Variants in FSTL5 observed in about 807,000 individuals in gnomAD.
The protein encoded by FSTL5 is follistatin like 5, also known as follistatin-related protein 5.
In FSTL5, 62 loss-of-function variants were observed where a neutral mutation model predicts 89.1. The ratio of observed to expected loss-of-function variants is 0.70; its 90% CI spans 0.57 to 0.86. FSTL5 has a LOEUF of 0.86. Ranked by LOEUF, FSTL5 falls within the 40% of genes least tolerant of loss-of-function variation. The probability of loss-of-function intolerance (pLI) is 0.00; values close to 1 mark genes in which losing one functional copy is unlikely to be tolerated. For synonymous variants in FSTL5, 383 were observed against 346.2 expected, an observed-to-expected ratio of 1.11 and a Z score of -1.18; for missense variants, 1,057 against 1,001.6, an observed-to-expected ratio of 1.06 and a Z score of -0.75.
At chr4:161,812,538 G>C (rs2126840817) in intron 4 of FSTL5, among the ~76,000 whole-genome samples, 1 of 110,090 alleles carries the variant, frequency 9.1e-6, no homozygotes, top group Middle Eastern at 5.0e-3. Context: ...ACACACAAAT[G>C]AAACAAACAA....
chr4:161,542,442 T>C, intron 9 of FSTL5, 90 bp downstream of exon 9: 1 of 857,666 alleles, frequency 1.2e-6, no homozygotes, highest in Non-Finnish European at 1.6e-6. Context: ...CCAACACTCA[T>C]TTTTCTTTTA....
intron 7 of FSTL5, among the ~76,000 whole-genome samples, chr4:161,589,006 T>G (rs75467864): frequency 0.046 from 6,876 of 150,480 alleles, 521 homozygotes; most frequent in African/African-American, 0.16. Context: ...TGTTTTTTTT[T>G]TTTTTTTTTG....
intron 2 of FSTL5, among the ~76,000 whole-genome samples, chr4:162,102,391 A>T (rs558129830): frequency 6.6e-6 from 1 of 151,422 alleles, no homozygotes; most frequent in East Asian, 1.9e-4. Flanking sequence ...AAATAAGACA[A>T]AGTAGGCAAA....
chr4:161,619,649 A>T (rs1347162906), intron 7 of FSTL5, among the ~76,000 whole-genome samples: 1 of 152,196 alleles, frequency 6.6e-6, no homozygotes. Flanking sequence ...ATACCATCTC[A>T]CACCAGTTAG....
rs1437279714 is a variant in FSTL5 at position 161,858,617 on chromosome 4, T to C, written c.409+61787A>G. Among the ~76,000 whole-genome samples the C allele has an allele frequency of 2.6e-5, 4 of 152,224 alleles. No homozygotes were observed. In the East Asian group the frequency reaches 7.7e-4, roughly 29 times the overall value. On this transcript the variant is annotated intron_variant, in intron 4 of 15. Transcript: ENST00000306100. ...ATTTTAAACTTCTCCACCTTTGAAA[T>C]GGTAATTCTAATTCTTTTTCTCAGA...
chr4:162,062,193 T>C (rs1738739307), intron 2 of FSTL5, among the ~76,000 whole-genome samples: 1 of 151,902 alleles, frequency 6.6e-6, no homozygotes, highest in Non-Finnish European at 1.5e-5. Flanking sequence ...TGATGTTTTA[T>C]TATAGATTAA....
rs539017864 is a variant in FSTL5, at chr4:161,848,581, A to AT, written c.409+71822dup. Among the ~76,000 whole-genome samples, 9 of 152,242 alleles carry AT rather than the reference A, an allele frequency of 5.9e-5. 1 individual carries two copies. Among genetic ancestry groups the AT allele is most frequent in the Admixed American group, 2.0e-4 (3 of 15,286 alleles). On this transcript the variant is annotated intron_variant, in intron 4 of 15. Transcript: ENST00000306100. Reference sequence around the variant, plus strand: ...ATATTTGCATATTATATGTAGCATTATTTTTTCATGGATTAATCAGGAAAG... The same window carrying AT: ...ATATTTGCATATTATATGTAGCATTATTTTTTTCATGGATTAATCAGGAAAG...
At chr4:161,929,525 A>G (rs1339325723) in intron 3 of FSTL5, among the ~76,000 whole-genome samples, 1 of 151,470 alleles carries the variant, frequency 6.6e-6, no homozygotes, top group East Asian at 2.0e-4. Context: ...CAATTGTGTG[A>G]TATTTATTTT....
At chr4:161,607,407 C>T (rs768931179) in intron 7 of FSTL5, among the ~76,000 whole-genome samples, 16 of 152,074 alleles carry the variant, frequency 1.1e-4, no homozygotes, top group Non-Finnish European at 1.8e-4. Context: ...CAACACATGA[C>T]AGCTGAAATA....
intron 6 of FSTL5, among the ~76,000 whole-genome samples, chr4:161,744,433 T>C (rs148270531): frequency 6.2e-4 from 95 of 152,280 alleles, no homozygotes; most frequent in Non-Finnish European, 1.0e-3. Flanking sequence ...TTAGCACCAA[T>C]AGTGGTATAC....
chr4:161,987,591 AAAAT>A (rs1472546473), intron 3 of FSTL5, among the ~76,000 whole-genome samples: 7 of 147,612 alleles, frequency 4.7e-5, no homozygotes, highest in Admixed American at 1.4e-4. Flanking sequence ...AATATATAAT[AAAAT>A]ATATAATGAA....
At chr4:161,659,380 T>C (rs1736631282) in intron 6 of FSTL5, among the ~76,000 whole-genome samples, 1 of 152,182 alleles carries the variant, frequency 6.6e-6, no homozygotes, top group South Asian at 2.1e-4. Context: ...TCAAATGGGC[T>C]TTTCCTGAAA....
intron 3 of FSTL5, among the ~76,000 whole-genome samples, chr4:161,964,618 G>A (rs983805206): frequency 6.6e-5 from 10 of 151,856 alleles, no homozygotes; most frequent in African/African-American, 2.4e-4. Flanking sequence ...GTTACCATAG[G>A]AAATCAACTA....
rs540684483 is a variant in FSTL5, at chr4:161,393,533, G to C, written c.1842-7084C>G. Among the ~76,000 whole-genome samples the C allele has an allele frequency of 4.6e-5, 7 of 152,190 alleles. No individual in the cohort carries two copies. In the East Asian group the frequency reaches 1.4e-3, roughly 30 times the overall value. On this transcript the variant is annotated intron_variant, in intron 15 of 15. Coordinates refer to ENST00000306100, the MANE Select transcript of FSTL5 (RefSeq NM_020116.5). ...TGGATGTAGCTACATCCCGGCTTCA[G>C]CTAGTAAATTACATTTTTGTTATGT... is the stretch of plus-strand genomic sequence containing the variant.
intron 6 of FSTL5, among the ~76,000 whole-genome samples, chr4:161,696,311 G>A (rs1738163663): frequency 6.6e-6 from 1 of 152,024 alleles, no homozygotes; most frequent in Non-Finnish European, 1.5e-5. Context: ...CTGTTCCATT[G>A]GCCTTTATGA....
intron 3 of FSTL5, among the ~76,000 whole-genome samples, chr4:161,943,380 A>T (rs1734643814): frequency 6.6e-6 from 1 of 151,600 alleles, no homozygotes; most frequent in South Asian, 2.1e-4. Context: ...TGTAGTTTTA[A>T]CATAATATGA....
intron 3 of FSTL5, among the ~76,000 whole-genome samples, chr4:161,971,099 A>G (rs929813866): frequency 4.6e-5 from 7 of 152,136 alleles, no homozygotes; most frequent in African/African-American, 1.7e-4. Context: ...CCATATCATA[A>G]TAGCCATAGT....
intron 6 of FSTL5, among the ~76,000 whole-genome samples, chr4:161,751,166 T>C (rs976708744): frequency 3.9e-5 from 6 of 151,926 alleles, no homozygotes; most frequent in Middle Eastern, 3.4e-3. Context: ...ATCTTACAAA[T>C]GGGACATTAA....
intron 13 of FSTL5, among the ~76,000 whole-genome samples, chr4:161,469,637 T>C (rs530998458): frequency 0.025 from 3,026 of 119,590 alleles, 116 homozygotes; most frequent in African/African-American, 0.096. Context: ...ACTTTATTTA[T>C]CTATTTTTTT....
Sources: gnomAD v4.1 joint callset for allele counts (sites outside exome capture counted in the v4.1 genomes callset) on GRCh38, gnomAD v4.1.1 for gene constraint, MANE v1.5 for transcripts, NCBI Gene and HGNC (gene_info 2026-07-23, HGNC 2026-07-21) for gene names.